PTPN12: variants seen among roughly 807,000 people sequenced by gnomAD.
The protein encoded by PTPN12 is protein tyrosine phosphatase non-receptor type 12, also known as tyrosine-protein phosphatase non-receptor type 12.
Under a neutral mutation model 97.6 loss-of-function variants are expected in PTPN12, and 29 were observed. The ratio of observed to expected loss-of-function variants is 0.30; its 90% confidence interval spans 0.22 to 0.41. The LOEUF is 0.41. Among genes scored for constraint, PTPN12 ranks in the 10% least tolerant of loss-of-function variants. PTPN12 has a pLI of 1.00. For missense variants in PTPN12, 819 were observed against 926.0 expected (o/e 0.88, Z 1.50); for synonymous variants, 327 against 300.4 (o/e 1.09, Z -0.91).
intron 11 of PTPN12, among the ~76,000 whole-genome samples, chr7:77,617,309 C>G (rs760911400): frequency 6.6e-5 from 10 of 152,132 alleles, no homozygotes; most frequent in Non-Finnish European, 1.3e-4. Context: ...CCAAATGCCT[C>G]GATTTTGGTG....
In PTPN12 at chr7:77,632,403, G is replaced by A. The variant is rs200193200; in HGVS notation, c.2052G>A (p.Ser684=). The stretch of plus-strand genomic sequence containing the variant: ...CCCTACCTGAAAGAACTCCTGAATC[G>A]TTTGTGTTAGCAAGTGAACATAGTG... The part of the protein sequence containing the change: ...PPPLPERTPE[S]FVLASEHNTP... The change falls in exon 14 of 18, where the codon TCG becomes TCA. Residue 684 remains serine, a synonymous_variant. Transcript: ENST00000248594. The A allele has an allele frequency of 2.3e-4, 364 of 1,609,816 alleles. 1 individual carries two copies. Among genetic ancestry groups the A allele is most frequent in the Middle Eastern group, 1.7e-4 (1 of 6,046 alleles).
At chr7:77,595,891 G>A (rs374852078) in intron 6 of PTPN12, among the ~76,000 whole-genome samples, 1 of 152,076 alleles carries the variant, frequency 6.6e-6, no homozygotes, top group Non-Finnish European at 1.5e-5. Context: ...TTAACACTTT[G>A]ACTAAATCAC....
At chr7:77,541,246 C>CA (rs1806959404) in intron 1 of PTPN12, among the ~76,000 whole-genome samples, 1 of 152,130 alleles carries the variant, frequency 6.6e-6, no homozygotes, top group African/African-American at 2.4e-5. Context: ...CCCACCCCAC[C>CA]AAGCCCTGCT....
At chr7:77,569,684 T>A (rs1028406373) in intron 1 of PTPN12, among the ~76,000 whole-genome samples, 19 of 152,156 alleles carry the variant, frequency 1.2e-4, no homozygotes, top group Non-Finnish European at 5.9e-5. Flanking sequence ...GGCACAAGAA[T>A]TGCTTGAACC....
chr7:77,561,761 T>C (rs1281547554), intron 1 of PTPN12, among the ~76,000 whole-genome samples: 1 of 14,710 alleles, frequency 6.8e-5, no homozygotes. Context: ...TGTATGTTTT[T>C]AATTAATTAA....
chr7:77,562,460 G>A (rs1324823162), intron 1 of PTPN12, among the ~76,000 whole-genome samples: 1 of 152,138 alleles, frequency 6.6e-6, no homozygotes, highest in African/African-American at 2.4e-5. Context: ...TGAAGACTAA[G>A]TGGGACTATA....
At chr7:77,594,566 C>T (rs1787966713) in intron 6 of PTPN12, among the ~76,000 whole-genome samples, 1 of 152,118 alleles carries the variant, frequency 6.6e-6, no homozygotes, top group Non-Finnish European at 1.5e-5. Flanking sequence ...GGTTGGAGTG[C>T]AGTGGTCTGA....
Position 77,537,846 on chromosome 7 carries a change from T to C in PTPN12, c.99+201T>C, listed in dbSNP as rs567766494. Among the ~76,000 whole-genome samples the C allele has an allele frequency of 2.6e-5, 4 of 151,340 alleles. No homozygotes were observed. The East Asian group carries it at 7.9e-4, about 30-fold the overall frequency. Reference sequence around the variant, plus strand: ...CCCCGTGGCCTCCTTTCTTCTCCCATGTTCGCGACCCCCGCGCGGGTTCCC... The same window carrying C: ...CCCCGTGGCCTCCTTTCTTCTCCCACGTTCGCGACCCCCGCGCGGGTTCCC... On this transcript the variant is annotated intron_variant, in intron 1 of 17. Coordinates refer to ENST00000248594, the MANE Select transcript of PTPN12 (RefSeq NM_002835.4).
chr7:77,594,161 G>A (rs180995556), intron 6 of PTPN12, among the ~76,000 whole-genome samples: 1 of 152,238 alleles, frequency 6.6e-6, no homozygotes, highest in East Asian at 1.9e-4. Context: ...TATTTGTGGG[G>A]TAAATGTAAA....
intron 1 of PTPN12, among the ~76,000 whole-genome samples, chr7:77,540,803 AT>A (rs1806934182): frequency 6.6e-6 from 1 of 152,162 alleles, no homozygotes; most frequent in Non-Finnish European, 1.5e-5. Context: ...AGATTCTATT[AT>A]TTTTAAATTC....
chr7:77,632,183 C>A (rs889710917), intron 13 of PTPN12, among the ~76,000 whole-genome samples, 165 bp from the exon 14 acceptor site: 2 of 152,172 alleles, frequency 1.3e-5, no homozygotes, highest in African/African-American at 4.8e-5. Context: ...GCTCAATAAG[C>A]ATCATAATTC....
In PTPN12 at chr7:77,544,967, G is replaced by A. The variant is rs561512603; in HGVS notation, c.99+7322G>A. 2.6e-5 allele frequency among the ~76,000 whole-genome samples: 4 copies of A among 152,170 alleles called. No homozygotes were observed. In the East Asian group the frequency reaches 7.7e-4, roughly 29 times the overall value. ...GCTCACATAACTCGTTGTATTTTCA[G>A]TATCCACTGAAAAAGAAAATACAAG... On this transcript the variant is annotated intron_variant, in intron 1 of 17. Coordinates refer to ENST00000248594, the MANE Select transcript of PTPN12 (RefSeq NM_002835.4).
intron 1 of PTPN12, among the ~76,000 whole-genome samples, chr7:77,570,041 C>T (rs559752676): frequency 6.6e-6 from 1 of 152,132 alleles, no homozygotes; most frequent in Non-Finnish European, 1.5e-5. Flanking sequence ...TCTATTACCA[C>T]AGGAAATCAC....
At chr7:77,599,934 A>G (rs1274498659) in intron 7 of PTPN12, among the ~76,000 whole-genome samples, 2 of 152,182 alleles carry the variant, frequency 1.3e-5, no homozygotes, top group African/African-American at 4.8e-5. Flanking sequence ...TGGGGGTTGT[A>G]TCTTTCAGTA....
At chr7:77,590,927 C>T (rs1182924137) in intron 5 of PTPN12, among the ~76,000 whole-genome samples, 5 of 151,948 alleles carry the variant, frequency 3.3e-5, no homozygotes, top group Non-Finnish European at 5.9e-5. Flanking sequence ...GTCCCAGCTA[C>T]TCAGGAGGCT....
intron 14 of PTPN12, among the ~76,000 whole-genome samples, chr7:77,633,051 AC>A (rs1789457837): frequency 6.6e-6 from 1 of 152,120 alleles, no homozygotes; most frequent in Non-Finnish European, 1.5e-5. Flanking sequence ...TGCACTGATC[AC>A]CTGAGGTCAG....
intron 11 of PTPN12, among the ~76,000 whole-genome samples, chr7:77,614,740 T>A (rs1363912515): frequency 6.6e-6 from 1 of 152,152 alleles, no homozygotes; most frequent in Non-Finnish European, 1.5e-5. Context: ...TCTGAAAAAT[T>A]GAGAAAAATC....
chr7:77,625,524 A>ACT (rs753369979), intron 12 of PTPN12, among the ~76,000 whole-genome samples: 3,236 of 16,928 alleles, frequency 0.19, 517 homozygotes, highest in Non-Finnish European at 0.21. Flanking sequence ...TCTCTCTCTC[A>ACT]CTCTCACTCT....
intron 17 of PTPN12, chr7:77,638,971 T>A: frequency 1.3e-6 from 1 of 758,062 alleles, no homozygotes; most frequent in Non-Finnish European, 1.9e-6. Flanking sequence ...ATCATGGATA[T>A]TTTTCTTACA....
Sources: allele counts gnomAD v4.1 joint callset (sites outside exome capture counted in the v4.1 genomes callset), GRCh38; gene constraint gnomAD v4.1.1; transcripts MANE v1.5; gene names NCBI Gene and HGNC (gene_info 2026-07-23, HGNC 2026-07-21).